SGCD: variants seen among roughly 807,000 people sequenced by gnomAD.
The protein encoded by SGCD is sarcoglycan delta.
A neutral mutation model predicts 36.6 loss-of-function variants in SGCD; 18 were observed. The observed-to-expected ratio is 0.49, with a 90% confidence interval of 0.34 to 0.73. SGCD has a LOEUF of 0.73. Among genes scored for constraint, SGCD ranks in the 30% least tolerant of loss-of-function variants. The pLI is 0.01. For missense variants in SGCD, 387 were observed against 346.7 expected, an observed-to-expected ratio of 1.12 and a Z score of -0.92; for synonymous variants, 133 against 130.6, an observed-to-expected ratio of 1.02 and a Z score of -0.12.
chr5:156,742,334 A>T (rs756476232), intron 7 of SGCD, among the ~76,000 whole-genome samples: 1 of 152,074 alleles, frequency 6.6e-6, no homozygotes, highest in African/African-American at 2.4e-5. Context: ...TCAAGTCGAC[A>T]TATTTCAAAC....
intron 7 of SGCD, among the ~76,000 whole-genome samples, chr5:156,670,544 G>A (rs1330623257): frequency 1.3e-5 from 2 of 152,154 alleles, no homozygotes; most frequent in Admixed American, 6.5e-5. Context: ...CTGGCTTGAA[G>A]CCAGCCTTGT....
chr5:156,551,512 G>A (rs995553305), intron 4 of SGCD, among the ~76,000 whole-genome samples: 3 of 152,056 alleles, frequency 2.0e-5, no homozygotes, highest in African/African-American at 7.2e-5. Context: ...GCAGGGTTTT[G>A]CGGGGGCAGG....
chr5:156,601,874 G>T (rs1415568320), intron 6 of SGCD, among the ~76,000 whole-genome samples: 1 of 152,138 alleles, frequency 6.6e-6, no homozygotes, highest in East Asian at 1.9e-4. Context: ...AGTAGAGACG[G>T]GTTTCACCGT....
At chr5:155,774,238 A>G in the SGCD span, among the ~76,000 whole-genome samples, 1 of 152,098 alleles carries the variant, frequency 6.6e-6, no homozygotes, top group Non-Finnish European at 1.5e-5. Context: ...GACTGTTGCT[A>G]TAGAAAGCAT....
At chr5:155,937,302 CCAGG>C (rs1465469012) in intron 1 of SGCD, among the ~76,000 whole-genome samples, 1 of 152,222 alleles carries the variant, frequency 6.6e-6, no homozygotes, top group South Asian at 2.1e-4. Flanking sequence ...AGCAGCTGCT[CCAGG>C]CAGGCCGCTG....
chr5:156,738,733 T>G (rs2113063520), intron 7 of SGCD: 1 of 152,272 alleles, frequency 6.6e-6, no homozygotes, highest in East Asian at 1.9e-4. Flanking sequence ...CTAACCAGTT[T>G]GAGGGGGGAA....
intron 3 of SGCD, among the ~76,000 whole-genome samples, chr5:156,300,546 G>A (rs1215216912): frequency 2.0e-5 from 3 of 152,034 alleles, no homozygotes; most frequent in Non-Finnish European, 2.9e-5. Context: ...GTCTATCCTT[G>A]AGAATGATCC....
the SGCD span, among the ~76,000 whole-genome samples, chr5:155,744,861 A>G: frequency 6.6e-6 from 1 of 152,250 alleles, no homozygotes; most frequent in Non-Finnish European, 1.5e-5. Flanking sequence ...AAACCGATGA[A>G]TGATGTTAAT....
intron 1 of SGCD, among the ~76,000 whole-genome samples, chr5:155,918,025 T>C: frequency 6.6e-6 from 1 of 152,186 alleles, no homozygotes; most frequent in East Asian, 1.9e-4. Context: ...ATACTGTGCT[T>C]CCCGATCTGC....
intron 1 of SGCD, among the ~76,000 whole-genome samples, chr5:155,943,254 A>G (rs1410786223): frequency 3.3e-5 from 5 of 152,346 alleles, no homozygotes; most frequent in Admixed American, 3.3e-4. Flanking sequence ...ATGCTTGACA[A>G]AAGTGTTTGA....
At chr5:156,602,174 A>AG (rs1449172618) in intron 6 of SGCD, among the ~76,000 whole-genome samples, 7 of 152,022 alleles carry the variant, frequency 4.6e-5, no homozygotes, top group African/African-American at 1.7e-4. Flanking sequence ...TCCTTGCTTA[A>AG]GTTTATTCAT....
chr5:156,419,105 C>G (rs1773182525), intron 3 of SGCD, among the ~76,000 whole-genome samples: 9 of 152,044 alleles, frequency 5.9e-5, no homozygotes, highest in Admixed American at 5.9e-4. Flanking sequence ...CAACCACCCA[C>G]AGAATGCAGG....
intron 3 of SGCD, among the ~76,000 whole-genome samples, chr5:156,428,596 C>G (rs1301482185): frequency 1.3e-5 from 2 of 151,950 alleles, no homozygotes; most frequent in East Asian, 3.9e-4. Flanking sequence ...TTGGTTTGCT[C>G]TTGTTTCTCT....
At chr5:155,911,686 G>T (rs182006121) in intron 1 of SGCD, among the ~76,000 whole-genome samples, 24 of 152,052 alleles carry the variant, frequency 1.6e-4, no homozygotes, top group African/African-American at 5.8e-4. Context: ...CTCCACTGCT[G>T]CCAGAACCCA....
At chr5:155,859,375 G>A in the SGCD span, among the ~76,000 whole-genome samples, 1 of 151,944 alleles carries the variant, frequency 6.6e-6, no homozygotes, top group African/African-American at 2.4e-5. Context: ...CTCATATCAG[G>A]CTTTCTTGAG....
intron 3 of SGCD, among the ~76,000 whole-genome samples, chr5:156,454,625 G>A (rs916946412): frequency 6.6e-6 from 1 of 152,110 alleles, no homozygotes; most frequent in Non-Finnish European, 1.5e-5. Context: ...CTGGTGGTGG[G>A]AGTATACAAA....
chr5:156,261,262 C>A (rs959034231), intron 3 of SGCD, among the ~76,000 whole-genome samples: 3 of 151,990 alleles, frequency 2.0e-5, no homozygotes, highest in African/African-American at 7.3e-5. Flanking sequence ...ATTGTATTTG[C>A]CTTTTGGGCA....
chr5:156,208,070 G>T (rs1184069671), intron 3 of SGCD, among the ~76,000 whole-genome samples: 1 of 151,938 alleles, frequency 6.6e-6, no homozygotes, highest in Non-Finnish European at 1.5e-5. Flanking sequence ...TCAATGAGAA[G>T]AATTACAAAC....
intron 1 of SGCD, among the ~76,000 whole-genome samples, chr5:155,923,655 C>T (rs1448619922): frequency 6.6e-6 from 1 of 152,142 alleles, no homozygotes; most frequent in Non-Finnish European, 1.5e-5. Context: ...ATTAGAGTTA[C>T]AGAGAAGCAA....
Sources: gnomAD v4.1 joint callset for allele counts (sites outside exome capture counted in the v4.1 genomes callset) on GRCh38, gnomAD v4.1.1 for gene constraint, MANE v1.5 for transcripts, NCBI Gene and HGNC (gene_info 2026-07-23, HGNC 2026-07-21) for gene names.